EFCAB11: variants seen among roughly 807,000 people sequenced by gnomAD.
The protein encoded by EFCAB11 is EF-hand calcium binding domain 11.
Under a neutral mutation model 23.0 loss-of-function variants are expected in EFCAB11, and 14 were observed. The observed-to-expected ratio is 0.61, with a 90% CI of 0.40 to 0.95. The LOEUF (loss-of-function observed/expected upper bound fraction) is 0.95, where lower values mean the gene tolerates loss of function less well. EFCAB11 is among the 40% of genes least tolerant of loss of function. The probability of loss-of-function intolerance (pLI) is 0.00; values close to 1 mark genes in which losing one functional copy is unlikely to be tolerated. For missense variants in EFCAB11, 198 were observed against 195.8 expected, an observed-to-expected ratio of 1.01 and a Z score of -0.07; for synonymous variants, 65 against 66.6, an observed-to-expected ratio of 0.98 and a Z score of 0.11.
intron 1 of EFCAB11, chr14:89,954,216 C>T: frequency 9.7e-7 from 1 of 1,035,740 alleles, no homozygotes; most frequent in African/African-American, 1.6e-5. Flanking sequence ...AAAGTGCAAA[C>T]GAGTTAACCG....
chr14:89,870,972 C>T (rs1056447193), intron 5 of EFCAB11, among the ~76,000 whole-genome samples: 1 of 152,004 alleles, frequency 6.6e-6, no homozygotes, highest in Non-Finnish European at 1.5e-5. Flanking sequence ...CAAAACATAG[C>T]TCCCGCTGTG....
Position 89,797,230 on chromosome 14 carries a change from T to C in EFCAB11, c.*13A>G, listed in dbSNP as rs1428224734. The C allele has an allele frequency of 6.2e-7, 1 of 1,610,832 alleles. No homozygotes were observed. On this transcript the variant is annotated 3_prime_UTR_variant, in exon 6 of 6. Coordinates refer to ENST00000316738, the MANE Select transcript of EFCAB11 (RefSeq NM_145231.4). ...TTGATCTCCCCAGAGTTACCAAAAG[T>C]AGTTCACAATAGTTAGGCTTCCTTC...
intron 5 of EFCAB11, among the ~76,000 whole-genome samples, chr14:89,906,633 C>A (rs1371276057): frequency 6.6e-6 from 1 of 152,022 alleles, no homozygotes; most frequent in Non-Finnish European, 1.5e-5. Flanking sequence ...TGATAATTTG[C>A]AACATGCTAA....
intron 5 of EFCAB11, among the ~76,000 whole-genome samples, chr14:89,893,113 C>A (rs1889033474): frequency 6.6e-6 from 1 of 152,134 alleles, no homozygotes; most frequent in African/African-American, 2.4e-5. Context: ...CATTCCCACT[C>A]CCTTTTTCTT....
At chr14:89,858,753 G>T (rs1887832187) in intron 5 of EFCAB11, among the ~76,000 whole-genome samples, 1 of 147,964 alleles carries the variant, frequency 6.8e-6, no homozygotes. Flanking sequence ...GCCTGCTTTG[G>T]CCTCCCACTT....
At chr14:89,913,317 C>A (rs1889739509) in intron 5 of EFCAB11, among the ~76,000 whole-genome samples, 1 of 152,120 alleles carries the variant, frequency 6.6e-6, no homozygotes, top group African/African-American at 2.4e-5. Context: ...TGAGATGGGA[C>A]AAGTATATAT....
At chr14:89,865,250 CA>C (rs1888047873) in intron 5 of EFCAB11, among the ~76,000 whole-genome samples, 1 of 152,182 alleles carries the variant, frequency 6.6e-6, no homozygotes, top group South Asian at 2.1e-4. Context: ...TTGTGAGAGT[CA>C]ACGAATTCCT....
intron 5 of EFCAB11, among the ~76,000 whole-genome samples, chr14:89,801,541 T>C (rs534698404): frequency 9.9e-5 from 15 of 152,120 alleles, no homozygotes; most frequent in Admixed American, 4.6e-4. Context: ...AGGTGTAGAA[T>C]GGAGGTTCCA....
chr14:89,907,348 C>A (rs1218442521), intron 5 of EFCAB11, among the ~76,000 whole-genome samples: 1 of 152,122 alleles, frequency 6.6e-6, no homozygotes, highest in East Asian at 1.9e-4. Context: ...CAGTTCATGA[C>A]AGTAAAAAAT....
intron 5 of EFCAB11, among the ~76,000 whole-genome samples, chr14:89,899,508 G>A (rs1186047017): frequency 6.6e-6 from 1 of 152,010 alleles, no homozygotes; most frequent in Non-Finnish European, 1.5e-5. Flanking sequence ...ATATAGTCCT[G>A]TTATATATCA....
At chr14:89,949,912 C>A (rs1279626255) in intron 3 of EFCAB11, among the ~76,000 whole-genome samples, 185 bp downstream of exon 3, 3 of 152,076 alleles carry the variant, frequency 2.0e-5, no homozygotes, top group African/African-American at 4.8e-5. Flanking sequence ...GCCATCAGAT[C>A]TCATGAGACT....
At chr14:89,802,473 C>T (rs1885818777) in intron 5 of EFCAB11, among the ~76,000 whole-genome samples, 1 of 152,100 alleles carries the variant, frequency 6.6e-6, no homozygotes, top group Non-Finnish European at 1.5e-5. Flanking sequence ...CTCACTGCAA[C>T]CTCTGCCTCC....
intron 5 of EFCAB11, among the ~76,000 whole-genome samples, chr14:89,822,078 GGTT>G (rs1422524370): frequency 1.3e-5 from 2 of 151,888 alleles, no homozygotes; most frequent in African/African-American, 4.8e-5. Flanking sequence ...AATAACTCGA[GGTT>G]TTTTTTATGT....
chr14:89,876,489 T>TA (rs1035388844), intron 5 of EFCAB11, among the ~76,000 whole-genome samples: 1 of 152,116 alleles, frequency 6.6e-6, no homozygotes, highest in South Asian at 2.1e-4. Context: ...AGATGTGTTT[T>TA]AAAAAAAGTA....
intron 5 of EFCAB11, among the ~76,000 whole-genome samples, chr14:89,873,119 T>G (rs1888333832): frequency 3.9e-5 from 6 of 152,294 alleles, no homozygotes; most frequent in Admixed American, 3.3e-4. Flanking sequence ...GAGGTTTAAT[T>G]GACTCACAGT....
chr14:89,842,978 C>A (rs1461293932), intron 5 of EFCAB11, among the ~76,000 whole-genome samples: 1 of 152,124 alleles, frequency 6.6e-6, no homozygotes, highest in East Asian at 1.9e-4. Context: ...GTGAGGTGCT[C>A]CCATATCACC....
chr14:89,844,078 A>G (rs1163810633), intron 5 of EFCAB11, among the ~76,000 whole-genome samples: 1 of 152,222 alleles, frequency 6.6e-6, no homozygotes, highest in Non-Finnish European at 1.5e-5. Context: ...TCTTTCAAAT[A>G]AAAATGGTGT....
At position 89,854,330 on chromosome 14, in the gene EFCAB11, T is replaced by G. The variant is rs7156560; in HGVS notation, c.411-57006A>C. On this transcript the variant is annotated intron_variant, in intron 5 of 5. Transcript: ENST00000316738. The stretch of plus-strand genomic sequence containing the variant: ...CATAGGAGAGCTGGGCAGAGAGAGG[T>G]GCCCGCATCCTACATACAGGGCAAT... 8.8e-4 allele frequency among the ~76,000 whole-genome samples: 134 copies of G among 151,826 alleles called. 1 individual carries two copies. Among genetic ancestry groups the G allele is most frequent in the African/African-American group, 3.1e-3 (128 of 41,384 alleles).
At chr14:89,817,283 A>AG (rs971083530) in intron 5 of EFCAB11, among the ~76,000 whole-genome samples, 1 of 151,414 alleles carries the variant, frequency 6.6e-6, no homozygotes, top group Non-Finnish European at 1.5e-5. Context: ...TGGGAGGCCA[A>AG]GGGGGGAGAA....
Sources: allele counts gnomAD v4.1 joint callset (sites outside exome capture counted in the v4.1 genomes callset), GRCh38; gene constraint gnomAD v4.1.1; transcripts MANE v1.5; gene names NCBI Gene and HGNC (gene_info 2026-07-23, HGNC 2026-07-21).